Variants in SNX29 observed in about 807,000 individuals in gnomAD.
SNX29 encodes sorting nexin-29.
SNX29 carries 78 observed loss-of-function variants against 102.1 expected under a neutral mutation model. The observed-to-expected ratio is 0.76, with a 90% CI of 0.64 to 0.92. The LOEUF is 0.92. Among genes scored for constraint, SNX29 ranks in the 40% least tolerant of loss-of-function variants. SNX29 has a pLI of 0.00. For synonymous variants in SNX29, 580 were observed against 414.5 expected (o/e 1.40, Z -4.85); for missense variants, 1,280 against 1,061.7 (o/e 1.21, Z -2.86).
At chr16:12,301,805 C>T (rs915443922) in intron 15 of SNX29, among the ~76,000 whole-genome samples, 5 of 152,190 alleles carry the variant, frequency 3.3e-5, no homozygotes, top group African/African-American at 1.2e-4. Context: ...CGCGGTTTGC[C>T]TTGCCCTATG....
At chr16:12,110,593 G>C (rs935259574) in intron 11 of SNX29, among the ~76,000 whole-genome samples, 1 of 152,108 alleles carries the variant, frequency 6.6e-6, no homozygotes, top group African/African-American at 2.4e-5. Flanking sequence ...GTTTCTGAAG[G>C]CTTAGTGGTT....
In SNX29 at chr16:12,459,230, G is replaced by T. The variant is rs550841260; in HGVS notation, c.2038-18489G>T. On this transcript the variant is annotated intron_variant, in intron 18 of 20. Transcript: ENST00000566228. The stretch of plus-strand genomic sequence containing the variant: ...GTCTCTGTACTGTGTTCTCTAGTAG[G>T]TTCCTCTCCTGTGGGGCTCACCAGC... 4.6e-4 allele frequency among the ~76,000 whole-genome samples: 70 copies of T among 150,894 alleles called. 1 individual carries two copies. Among genetic ancestry groups the T allele is most frequent in the Non-Finnish European group, 6.6e-4 (45 of 67,806 alleles).
chr16:12,507,060 A>G (rs2089411298), intron 19 of SNX29, among the ~76,000 whole-genome samples: 1 of 152,264 alleles, frequency 6.6e-6, no homozygotes, highest in African/African-American at 2.4e-5. Flanking sequence ...GACAAAGATG[A>G]TGATGATAGC....
At chr16:12,554,552 G>C (rs138223538) in intron 20 of SNX29, among the ~76,000 whole-genome samples, 13 of 152,318 alleles carry the variant, frequency 8.5e-5, no homozygotes, top group African/African-American at 2.4e-4. Context: ...TTGTGAACTT[G>C]TTCAACAATT....
chr16:12,489,580 G>A (rs1050105298), intron 19 of SNX29, among the ~76,000 whole-genome samples: 3 of 152,224 alleles, frequency 2.0e-5, no homozygotes, highest in Non-Finnish European at 2.9e-5. Context: ...ATGGGCTGTG[G>A]TGAAGAGTGA....
chr16:12,043,081 C>A lies in SNX29; in HGVS notation c.428+4C>A, dbSNP rs773695625. ...TGGCCGACCGCTGCAGGCTGAGGTA[C>A]GTGGCCGGGATGCGAACTGGGATGG... On this transcript the variant is annotated splice_donor_region_variant and intron_variant, in intron 5 of 20. Coordinates refer to ENST00000566228, the MANE Select transcript of SNX29 (RefSeq NM_032167.5). 2.5e-6 allele frequency: 4 copies of A among 1,612,792 alleles called. No homozygotes were observed. The Admixed American group carries it at 5.0e-5, about 20-fold the overall frequency.
At chr16:12,051,651 G>A (rs1236284957) in intron 7 of SNX29, among the ~76,000 whole-genome samples, 196 bp from the exon 8 acceptor site, 1 of 152,188 alleles carries the variant, frequency 6.6e-6, no homozygotes, top group African/African-American at 2.4e-5. Flanking sequence ...TTAAATCAGA[G>A]GCAGAGGCCT....
chr16:12,565,808 T>C (rs987460699), intron 20 of SNX29, among the ~76,000 whole-genome samples: 10 of 152,068 alleles, frequency 6.6e-5, no homozygotes, highest in African/African-American at 2.2e-4. Context: ...ACAGCAACCC[T>C]CAGCTCACTT....
At chr16:12,007,762 C>G (rs2056505449) in intron 3 of SNX29, among the ~76,000 whole-genome samples, 1 of 152,120 alleles carries the variant, frequency 6.6e-6, no homozygotes, top group Non-Finnish European at 1.5e-5. Context: ...CCTGCTTCCA[C>G]CACATTGAAT....
intron 18 of SNX29, among the ~76,000 whole-genome samples, chr16:12,463,854 G>T (rs996400242): frequency 2.9e-5 from 4 of 137,626 alleles, no homozygotes; most frequent in Non-Finnish European, 6.4e-5. Flanking sequence ...GTGTGTGTGT[G>T]AGAGATGACA....
chr16:12,567,981 C>G (rs953258651), intron 20 of SNX29, among the ~76,000 whole-genome samples: 5 of 152,158 alleles, frequency 3.3e-5, no homozygotes, highest in African/African-American at 7.2e-5. Context: ...TTATCTTCCA[C>G]TGTTCCTGGC....
chr16:12,480,053 T>G (rs1227983921), intron 19 of SNX29, among the ~76,000 whole-genome samples: 1 of 152,216 alleles, frequency 6.6e-6, no homozygotes, highest in Non-Finnish European at 1.5e-5. Flanking sequence ...AAACAAGAGT[T>G]CAGTTCCTAG....
intron 18 of SNX29, among the ~76,000 whole-genome samples, chr16:12,474,700 A>G (rs557232690): frequency 1.6e-4 from 25 of 152,294 alleles, no homozygotes; most frequent in South Asian, 4.1e-4. Flanking sequence ...TACGATGGCA[A>G]TTTATCATTG....
chr16:12,505,935 T>G (rs564520229), intron 19 of SNX29, among the ~76,000 whole-genome samples: 2 of 152,258 alleles, frequency 1.3e-5, no homozygotes, highest in East Asian at 3.9e-4. Context: ...TTTTGTAGTT[T>G]TTCTATAGAG....
At chr16:12,200,921 C>G (rs1051195008) in intron 14 of SNX29, among the ~76,000 whole-genome samples, 8 of 152,126 alleles carry the variant, frequency 5.3e-5, no homozygotes, top group Non-Finnish European at 1.0e-4. Flanking sequence ...TTTTCCAAAA[C>G]AATGAATTCA....
intron 18 of SNX29, among the ~76,000 whole-genome samples, chr16:12,438,187 C>T (rs1490196993): frequency 6.6e-6 from 1 of 152,172 alleles, no homozygotes; most frequent in Non-Finnish European, 1.5e-5. Flanking sequence ...TTCTGACCTA[C>T]TTGATGCATC....
chr16:12,493,056 C>T (rs1230234895), intron 19 of SNX29, among the ~76,000 whole-genome samples: 1 of 152,104 alleles, frequency 6.6e-6, no homozygotes, highest in Non-Finnish European at 1.5e-5. Flanking sequence ...TAGTTTTTTC[C>T]AATTCTGTGA....
At chr16:12,559,156 G>C (rs568057126) in intron 20 of SNX29, among the ~76,000 whole-genome samples, 6 of 152,114 alleles carry the variant, frequency 3.9e-5, no homozygotes, top group African/African-American at 1.2e-4. Context: ...CCCTGGCCCA[G>C]TACCAGTCCA....
intron 15 of SNX29, among the ~76,000 whole-genome samples, chr16:12,283,199 T>C (rs1468950950): frequency 6.6e-6 from 1 of 152,168 alleles, no homozygotes; most frequent in African/African-American, 2.4e-5. Flanking sequence ...CCTTTGTGGC[T>C]TTTCTTACCC....
Sources: allele counts gnomAD v4.1 joint callset (sites outside exome capture counted in the v4.1 genomes callset), GRCh38; gene constraint gnomAD v4.1.1; transcripts MANE v1.5; gene names NCBI Gene and HGNC (gene_info 2026-07-23, HGNC 2026-07-21).